PBRM1: variants seen among roughly 807,000 people sequenced by gnomAD.
PBRM1 encodes polybromo 1.
In PBRM1, 27 loss-of-function variants were observed where a neutral mutation model predicts 194.5. The observed-to-expected ratio is 0.14, with a 90% CI of 0.10 to 0.19. The LOEUF (loss-of-function observed/expected upper bound fraction) is 0.19. Among genes scored for constraint, PBRM1 ranks in the 10% least tolerant of loss-of-function variants. The pLI is 1.00. For synonymous variants in PBRM1, 655 were observed against 693.2 expected (o/e 0.94, Z 0.87); for missense variants, 1,466 against 2,077.2 (o/e 0.71, Z 5.72).
chr3:52,633,990 T>C (rs2095708588), intron 11 of PBRM1, among the ~76,000 whole-genome samples: 1 of 152,200 alleles, frequency 6.6e-6, no homozygotes, highest in African/African-American at 2.4e-5. Flanking sequence ...CTTTCTGGTA[T>C]GGTTGCGGTT....
chr3:52,603,133 A>G (rs964240660), intron 17 of PBRM1, among the ~76,000 whole-genome samples: 4 of 152,256 alleles, frequency 2.6e-5, no homozygotes, highest in Non-Finnish European at 4.4e-5. Flanking sequence ...GGTCCAAAGT[A>G]TCTATGAGGA....
intron 22 of PBRM1, among the ~76,000 whole-genome samples, chr3:52,569,213 A>T (rs865916705): frequency 1.5e-3 from 202 of 136,444 alleles, no homozygotes; most frequent in African/African-American, 5.0e-3. Flanking sequence ...TTTCAATATG[A>T]TTTTTTTTTT....
intron 5 of PBRM1, among the ~76,000 whole-genome samples, chr3:52,653,866 C>T (rs1283718107): frequency 2.6e-5 from 4 of 152,010 alleles, no homozygotes; most frequent in Non-Finnish European, 5.9e-5. Context: ...GCTGAGATCA[C>T]GCCACTGCAC....
intron 2 of PBRM1, among the ~76,000 whole-genome samples, chr3:52,677,531 G>C (rs149643532): frequency 8.6e-5 from 13 of 151,168 alleles, no homozygotes; most frequent in African/African-American, 2.9e-4. Flanking sequence ...TCCTGCCTCA[G>C]TCTCCCAAGT....
chr3:52,557,375 A>C (rs1031730091), intron 26 of PBRM1, among the ~76,000 whole-genome samples: 3 of 152,236 alleles, frequency 2.0e-5, no homozygotes, highest in Admixed American at 2.0e-4. Flanking sequence ...CCTGCCTTGA[A>C]CAACACTATT....
chr3:52,624,276 A>G (rs907217967), intron 13 of PBRM1, among the ~76,000 whole-genome samples: 3 of 152,226 alleles, frequency 2.0e-5, no homozygotes, highest in Admixed American at 2.0e-4. Flanking sequence ...AAACTGTAAG[A>G]GCAGAGTTTA....
chr3:52,639,005 AC>A (rs2095953401), intron 10 of PBRM1, among the ~76,000 whole-genome samples: 2 of 98,138 alleles, frequency 2.0e-5, no homozygotes, highest in Non-Finnish European at 4.2e-5. Flanking sequence ...GGGGCGGGGG[AC>A]AAAGTTTTGC....
intron 13 of PBRM1, among the ~76,000 whole-genome samples, chr3:52,623,743 T>C (rs899677805): frequency 1.3e-5 from 2 of 152,168 alleles, no homozygotes; most frequent in African/African-American, 4.8e-5. Flanking sequence ...TCAGATAAAG[T>C]TGAAATGAGG....
chr3:52,674,057 A>AT (rs935882080), intron 2 of PBRM1, among the ~76,000 whole-genome samples: 37 of 150,978 alleles, frequency 2.5e-4, no homozygotes, highest in South Asian at 1.0e-3. Context: ...TCTCAAAAAA[A>AT]AAATATATAT....
At chr3:52,580,641 C>T (rs1339910525) in intron 20 of PBRM1, among the ~76,000 whole-genome samples, 1 of 152,128 alleles carries the variant, frequency 6.6e-6, no homozygotes, top group Non-Finnish European at 1.5e-5. Context: ...GGATTACAGG[C>T]GTGAGCCACT....
chr3:52,610,968 C>T (rs1053582005), intron 15 of PBRM1, among the ~76,000 whole-genome samples: 5 of 151,934 alleles, frequency 3.3e-5, no homozygotes, highest in Admixed American at 1.3e-4. Flanking sequence ...AATACAGGAA[C>T]GAGCCTGAAC....
chr3:52,546,776 C>T (rs1326900824), downstream of PBRM1: 2 of 233,052 alleles, frequency 8.6e-6, no homozygotes, highest in Non-Finnish European at 1.7e-5. Context: ...AAGACAGGGT[C>T]ACCAAACCCA....
At chr3:52,617,184 G>C (rs529354641) in intron 14 of PBRM1, 78 bp downstream of exon 16, 66 of 1,127,970 alleles carry the variant, frequency 5.9e-5, no homozygotes, top group Admixed American at 2.4e-4. Context: ...TCTAGAGCTG[G>C]TCTCTCAAAA....
intron 21 of PBRM1, among the ~76,000 whole-genome samples, chr3:52,577,828 C>G (rs948513258): frequency 6.6e-6 from 1 of 152,204 alleles, no homozygotes; most frequent in Non-Finnish European, 1.5e-5. Context: ...CTATTCTCAA[C>G]AACCAATAGG....
Position 52,603,463 on chromosome 3 carries a change from G to A in PBRM1, c.2779+58C>T, listed in dbSNP as rs2094142555. ...AGGACTCTTTTCCACAGCTAATTATGAGAACACCTAGAAGACAGTGCATTT... is the reference window on the plus strand; with the variant it reads ...AGGACTCTTTTCCACAGCTAATTATAAGAACACCTAGAAGACAGTGCATTT... On this transcript the variant is annotated intron_variant, in intron 17 of 29. Transcript: ENST00000296302. 5.9e-6 allele frequency: 9 copies of A among 1,528,992 alleles called. No individual in the cohort carries two copies. The Admixed American group carries it at 8.2e-5, about 14-fold the overall frequency. 94.7% of individuals were successfully genotyped at this position (1,528,992 alleles called of 1,614,324 possible).
At chr3:52,679,536 G>A (rs757552504) in intron 1 of PBRM1, 38 bp downstream of exon 2, 2 of 1,578,586 alleles carry the variant, frequency 1.3e-6, no homozygotes, top group Non-Finnish European at 1.7e-6. Flanking sequence ...GGAATTGTGG[G>A]AAGAGCAGGC....
chr3:52,683,363 G>A (rs752116244), upstream of PBRM1, among the ~76,000 whole-genome samples: 62 of 150,202 alleles, frequency 4.1e-4, no homozygotes, highest in Non-Finnish European at 7.0e-4. Context: ...GACAGAGCGA[G>A]ACCGTCTCAA....
chr3:52,645,426 G>A (rs999041392), intron 7 of PBRM1, among the ~76,000 whole-genome samples: 1 of 150,546 alleles, frequency 6.6e-6, no homozygotes, highest in African/African-American at 2.4e-5. Flanking sequence ...GCCTCTCAAA[G>A]TGCTGGGATT....
intron 13 of PBRM1, 69 bp downstream of exon 15, chr3:52,624,828 A>C: frequency 9.8e-7 from 1 of 1,022,988 alleles, no homozygotes; most frequent in East Asian, 2.6e-5. Context: ...TTTTCACCTA[A>C]TCAGTACTGA....
Sources: allele counts gnomAD v4.1 joint callset (sites outside exome capture counted in the v4.1 genomes callset), GRCh38; gene constraint gnomAD v4.1.1; transcripts MANE v1.5; gene names NCBI Gene and HGNC (gene_info 2026-07-23, HGNC 2026-07-21).